WWP1: variants seen among roughly 807,000 people sequenced by gnomAD.
WWP1 encodes the protein NEDD4-like E3 ubiquitin-protein ligase WWP1.
In WWP1, 49 loss-of-function variants were observed where a neutral mutation model predicts 130.6. That is an observed-to-expected ratio of 0.38 (90% CI 0.30 to 0.48). WWP1 has a LOEUF of 0.48. WWP1 is among the 20% of genes least tolerant of loss of function. The pLI, the probability that WWP1 is intolerant of heterozygous loss-of-function variation, is 0.99. For missense variants in WWP1, 809 were observed against 1,100.6 expected, an observed-to-expected ratio of 0.74 and a Z score of 3.75; for synonymous variants, 332 against 367.8, an observed-to-expected ratio of 0.90 and a Z score of 1.11.
chr8:86,432,476 T>G (rs1300073654), intron 14 of WWP1, among the ~76,000 whole-genome samples: 1 of 151,992 alleles, frequency 6.6e-6, no homozygotes, highest in Non-Finnish European at 1.5e-5. Flanking sequence ...CACCTTTGTG[T>G]TGCATTATCA....
chr8:86,429,053 G>T (rs1237819778), intron 11 of WWP1, among the ~76,000 whole-genome samples: 1 of 152,088 alleles, frequency 6.6e-6, no homozygotes, highest in African/African-American at 2.4e-5. Flanking sequence ...TGTCATCAAG[G>T]ACCCGGGTTC....
intron 3 of WWP1, among the ~76,000 whole-genome samples, chr8:86,374,410 G>A (rs1193172338): frequency 2.6e-5 from 4 of 152,130 alleles, no homozygotes. Context: ...ATAGGATGGA[G>A]CAGGATGCCA....
chr8:86,405,687 A>T (rs1586372626), intron 8 of WWP1, among the ~76,000 whole-genome samples: 1 of 152,040 alleles, frequency 6.6e-6, no homozygotes, highest in East Asian at 1.9e-4. Flanking sequence ...ATGTGCCACC[A>T]TGCCTGTCTA....
intron 5 of WWP1, among the ~76,000 whole-genome samples, chr8:86,385,119 A>G (rs531933683): frequency 1.3e-5 from 2 of 152,330 alleles, no homozygotes; most frequent in African/African-American, 4.8e-5. Context: ...CAGTACTAAA[A>G]ACATTTTTTG....
At chr8:86,396,100 T>C (rs1586348180) in intron 5 of WWP1, among the ~76,000 whole-genome samples, 1 of 150,568 alleles carries the variant, frequency 6.6e-6, no homozygotes, top group East Asian at 1.9e-4. Flanking sequence ...GCTTTTGTAG[T>C]TTTCTTTTTT....
At chr8:86,378,614 AT>A (rs1482214790) in intron 3 of WWP1, among the ~76,000 whole-genome samples, 2 of 152,198 alleles carry the variant, frequency 1.3e-5, no homozygotes, top group African/African-American at 4.8e-5. Flanking sequence ...TTTTGAATTA[AT>A]AAGGTTGTCT....
At chr8:86,430,791 A>ACC in intron 12 of WWP1, 40 bp downstream of exon 12, 1 of 505,044 alleles carries the variant, frequency 2.0e-6, no homozygotes, top group Non-Finnish European at 2.9e-6. Context: ...GGAGATATAT[A>ACC]TCTCTCCATA....
At chr8:86,345,564 C>T (rs1822527124) in intron 1 of WWP1, among the ~76,000 whole-genome samples, 1 of 152,034 alleles carries the variant, frequency 6.6e-6, no homozygotes, top group South Asian at 2.1e-4. Flanking sequence ...CGCTTGCCAC[C>T]ACACCCGGCT....
chr8:86,363,639 G>A (rs532961178), intron 1 of WWP1, among the ~76,000 whole-genome samples: 61 of 151,702 alleles, frequency 4.0e-4, no homozygotes, highest in Non-Finnish European at 2.4e-4. Flanking sequence ...CCGTCTCTAC[G>A]AAAAATAAAC....
intron 5 of WWP1, among the ~76,000 whole-genome samples, chr8:86,391,685 G>C (rs1807346216): frequency 6.6e-6 from 1 of 151,980 alleles, no homozygotes; most frequent in Non-Finnish European, 1.5e-5. Flanking sequence ...GAGAATGAAG[G>C]AGTGGGGGTG....
At chr8:86,350,364 T>C (rs1822842677) in intron 1 of WWP1, among the ~76,000 whole-genome samples, 1 of 152,218 alleles carries the variant, frequency 6.6e-6, no homozygotes, top group Non-Finnish European at 1.5e-5. Flanking sequence ...ACATTATAGC[T>C]TCTGAGTGGA....
chr8:86,358,378 C>A (rs1293461564), intron 1 of WWP1, among the ~76,000 whole-genome samples: 1 of 152,114 alleles, frequency 6.6e-6, no homozygotes, highest in African/African-American at 2.4e-5. Context: ...AACCTAACCA[C>A]TCTAGCCATC....
chr8:86,366,287 T>G (rs1414684404), intron 1 of WWP1, among the ~76,000 whole-genome samples: 1 of 152,178 alleles, frequency 6.6e-6, no homozygotes, highest in Non-Finnish European at 1.5e-5. Flanking sequence ...GGTGAGTTGT[T>G]GGCATAGATG....
intron 24 of WWP1, among the ~76,000 whole-genome samples, chr8:86,464,662 C>A (rs1811943809): frequency 6.6e-6 from 1 of 152,106 alleles, no homozygotes. Flanking sequence ...ACCACCAGTG[C>A]ACGCCACTAT....
Position 86,431,671 on chromosome 8 carries a change from G to A in WWP1, c.1529G>A (p.Gly510Asp). Residue 510 changes from glycine (G) to aspartate (D), a missense_variant, in exon 14 of 25, where the codon GGT becomes GAT. Coordinates refer to ENST00000517970, the MANE Select transcript of WWP1 (RefSeq NM_007013.4). ...EGWEIRYTRE[G>D]VRYFVDHNTR... ...TGGGAAATTAGATATACTCGTGAAG[G>A]TGTAAGGTACTTTGTTGATCATAAC... The A allele has an allele frequency of 6.2e-7, 1 of 1,614,016 alleles. No individual in the cohort carries two copies. The highest frequency in any genetic ancestry group is 1.1e-5 in the South Asian group (1 of 91,070).
intron 14 of WWP1, among the ~76,000 whole-genome samples, chr8:86,434,056 C>T (rs1013199051): frequency 1.3e-5 from 2 of 152,164 alleles, no homozygotes; most frequent in Non-Finnish European, 2.9e-5. Flanking sequence ...CCATTGCCAC[C>T]ATTTTGGTCC....
At chr8:86,464,437 T>C (rs1297479044) in intron 24 of WWP1, among the ~76,000 whole-genome samples, 2 of 152,262 alleles carry the variant, frequency 1.3e-5, no homozygotes, top group African/African-American at 2.4e-5. Flanking sequence ...TAATATTTTT[T>C]AAACTTCTGT....
chr8:86,393,859 T>G (rs1053006568), intron 5 of WWP1, among the ~76,000 whole-genome samples: 7 of 152,206 alleles, frequency 4.6e-5, no homozygotes, highest in Non-Finnish European at 8.8e-5. Flanking sequence ...ACCAGTAGAT[T>G]ATGGCAGAAG....
chr8:86,384,290 A>C (rs985604823), intron 5 of WWP1, among the ~76,000 whole-genome samples: 7 of 152,224 alleles, frequency 4.6e-5, no homozygotes, highest in African/African-American at 1.7e-4. Context: ...AAGGTAAATA[A>C]ATTTATTTGA....
Sources: allele counts gnomAD v4.1 joint callset (sites outside exome capture counted in the v4.1 genomes callset), GRCh38; gene constraint gnomAD v4.1.1; transcripts MANE v1.5; gene names NCBI Gene and HGNC (gene_info 2026-07-23, HGNC 2026-07-21).